The following AUNIP variants were observed in gnomAD, a reference collection of about 807,000 sequenced individuals.
The protein encoded by AUNIP is aurora kinase A and ninein interacting protein, also known as aurora kinase A- and ninein-interacting protein.
In AUNIP, 16 loss-of-function variants were observed where a neutral mutation model predicts 12.2. The observed-to-expected ratio is 1.31, with a 90% confidence interval of 0.88 to 1.99. The LOEUF (loss-of-function observed/expected upper bound fraction) is 1.99, where lower values mean the gene tolerates loss of function less well. Among genes scored for constraint, AUNIP ranks in the 30% most tolerant of loss-of-function variants. AUNIP has a pLI of 0.00. For synonymous variants in AUNIP, 142 were observed against 154.8 expected (o/e 0.92, Z 0.61); for missense variants, 411 against 419.1 (o/e 0.98, Z 0.17).
intron 1 of AUNIP, among the ~76,000 whole-genome samples, chr1:25,840,027 C>A (rs1572261301): frequency 6.6e-6 from 1 of 151,856 alleles, no homozygotes; most frequent in South Asian, 2.1e-4. Context: ...GTCTAGCATG[C>A]AATAAAAAAT....
chr1:25,859,375 AGCCGGCAGGAC>A lies in AUNIP; in HGVS notation c.-29_-19del. On this transcript the variant is annotated 5_prime_UTR_variant, in exon 1 of 3. Coordinates refer to ENST00000374298, the MANE Select transcript of AUNIP (RefSeq NM_024037.3). ...CGCCTCATGGCCGCTGAGGAGACGA[AGCCGGCAGGAC>A]GCCGGCGCAGGCTCCCGGCGCCTCA... The A allele has an allele frequency of 6.6e-7, 1 of 1,504,068 alleles. No homozygotes were observed. The highest frequency in any genetic ancestry group is 8.8e-7 in the Non-Finnish European group (1 of 1,133,578). The allele number at this position is 1,504,068 out of a possible 1,614,324, so 93.2% of individuals were successfully genotyped here.
rs537383724 is a variant in AUNIP, at chr1:25,859,435, C to A, written c.-78G>T. ...CAGGGAACGCCAGAACCGCGGCCGC[C>A]GACGTTCGGATCTCGCGCCAACGCT... On this transcript the variant is annotated 5_prime_UTR_variant, in exon 1 of 3. Transcript: ENST00000374298. 58 of 1,325,196 alleles carry A rather than the reference C, an allele frequency of 4.4e-5. No homozygotes were observed. Among genetic ancestry groups the A allele is most frequent in the Non-Finnish European group, 5.4e-5 (55 of 1,014,704 alleles). 82.1% of individuals were successfully genotyped at this position (1,325,196 alleles called of 1,614,324 possible). A position where few individuals can be genotyped will look rare whatever the true frequency, so the allele number is the denominator to read the frequency against.
chr1:25,842,186 A>G (rs1368801665), intron 1 of AUNIP, among the ~76,000 whole-genome samples: 1 of 152,252 alleles, frequency 6.6e-6, no homozygotes, highest in African/African-American at 2.4e-5. Context: ...TTCTTGAAGG[A>G]AATTATAAGT....
In AUNIP at chr1:25,835,102, T is replaced by C. The variant is rs78766448; in HGVS notation, c.965A>G (p.Asn322Ser). The change falls in exon 3 of 3, where the codon AAC (asparagine) becomes AGC (serine). Residue 322 changes from asparagine to serine, a missense_variant. Coordinates refer to ENST00000374298, the MANE Select transcript of AUNIP (RefSeq NM_024037.3). The part of the protein sequence containing the change: ...NWNWDLGPFP[N>S]SPWAQCQEDG... ...CTCCTGGCACTGAGCCCAAGGACTG[T>C]TAGGAAACGGCCCTAAGTCCCAATT... 5.1e-4 allele frequency: 824 copies of C among 1,614,220 alleles called. 1 individual carries two copies. The highest frequency in any genetic ancestry group is 2.8e-4 in the Non-Finnish European group (332 of 1,180,046).
intron 1 of AUNIP, among the ~76,000 whole-genome samples, chr1:25,843,185 A>AAAAAATAT (rs1553123796): frequency 5.6e-5 from 7 of 124,964 alleles, no homozygotes; most frequent in African/African-American, 1.5e-4. Flanking sequence ...AAAAAAAAAA[A>AAAAAATAT]ATATATATAT....
At chr1:25,837,920 ATAG>A (rs767073456) in intron 1 of AUNIP, among the ~76,000 whole-genome samples, 2 of 152,204 alleles carry the variant, frequency 1.3e-5, no homozygotes, top group African/African-American at 2.4e-5. Context: ...AAGTAGTCAC[ATAG>A]TGGTGGTTAA....
At position 25,834,603 on chromosome 1, in the gene AUNIP, G is replaced by A. The variant is rs1293817070; in HGVS notation, c.*390C>T. 2.4e-5 allele frequency: 23 copies of A among 963,310 alleles called. No homozygotes were observed. Among genetic ancestry groups the A allele is most frequent in the East Asian group, 1.2e-4 (1 of 8,360 alleles). 59.7% of individuals were successfully genotyped at this position (963,310 alleles called of 1,614,324 possible). On this transcript the variant is annotated 3_prime_UTR_variant, in exon 3 of 3. Coordinates refer to ENST00000374298, the MANE Select transcript of AUNIP (RefSeq NM_024037.3). ...CTGCACTCCAGCCTGGCAACAGAGC[G>A]AGACTCCATCTCAAAAAAAAAAAAA...
At chr1:25,843,116 G>A (rs536036419) in intron 1 of AUNIP, among the ~76,000 whole-genome samples, 87 of 150,134 alleles carry the variant, frequency 5.8e-4, no homozygotes, top group Non-Finnish European at 1.1e-3. Context: ...AGGCTGGAGT[G>A]TAGTGAGCCA....
At chr1:25,846,940 T>C (rs1410139964) in intron 1 of AUNIP, among the ~76,000 whole-genome samples, 4 of 152,222 alleles carry the variant, frequency 2.6e-5, no homozygotes, top group Non-Finnish European at 4.4e-5. Context: ...AAGACGACCA[T>C]TGTGCCTCAA....
intron 1 of AUNIP, among the ~76,000 whole-genome samples, chr1:25,848,935 C>A (rs1427960968): frequency 6.6e-6 from 1 of 152,202 alleles, no homozygotes; most frequent in East Asian, 1.9e-4. Context: ...CTGCCATTGG[C>A]TGATTTTCAT....
At chr1:25,831,956 T>G, downstream of AUNIP, 1 of 1,614,224 alleles carries the variant, frequency 6.2e-7, no homozygotes, top group Non-Finnish European at 8.5e-7. Flanking sequence ...GACCCTGCTG[T>G]GCTTATCTCT....
At chr1:25,843,775 T>C (rs1404900376) in intron 1 of AUNIP, among the ~76,000 whole-genome samples, 1 of 151,768 alleles carries the variant, frequency 6.6e-6, no homozygotes, top group Non-Finnish European at 1.5e-5. Flanking sequence ...GAACTAGAAT[T>C]AAAAGTGGAC....
intron 1 of AUNIP, among the ~76,000 whole-genome samples, chr1:25,855,570 T>C (rs2048454807): frequency 6.6e-6 from 1 of 152,152 alleles, no homozygotes; most frequent in South Asian, 2.1e-4. Context: ...TAGTTCAAAT[T>C]AGGAGAGAAG....
intron 1 of AUNIP, among the ~76,000 whole-genome samples, chr1:25,857,225 TA>T (rs1385435101): frequency 1.3e-5 from 2 of 151,120 alleles, no homozygotes; most frequent in African/African-American, 4.9e-5. Context: ...CAAGGAGTAA[TA>T]AATAGCTATT....
At position 25,835,528 on chromosome 1, in the gene AUNIP, T is replaced by C. The variant is rs757373312; in HGVS notation, c.539A>G (p.Glu180Gly). The part of the protein sequence containing the change: ...PLAFSFTEDL[E>G]SSCLLDRKEE... ...CTTTCGGTCTAGCAAACAAGAACTTTCCAAGTCCTCGGTGAAGGAAAAAGC... is the reference window on the plus strand; with the variant it reads ...CTTTCGGTCTAGCAAACAAGAACTTCCCAAGTCCTCGGTGAAGGAAAAAGC... Residue 180 changes from glutamate to glycine, a missense_variant, in exon 3 of 3, where the codon GAA becomes GGA. Coordinates refer to ENST00000374298, the MANE Select transcript of AUNIP (RefSeq NM_024037.3). The C allele has an allele frequency of 5.5e-5, 88 of 1,614,132 alleles. No individual in the cohort carries two copies. In the East Asian group the frequency reaches 2.0e-3, roughly 36 times the overall value.
chr1:25,858,993 T>TC (rs1226400427), intron 1 of AUNIP, among the ~76,000 whole-genome samples: 1 of 152,080 alleles, frequency 6.6e-6, no homozygotes, highest in Non-Finnish European at 1.5e-5. Flanking sequence ...GAGCGAACTT[T>TC]CCCTCCGCCT....
At chr1:25,853,789 G>T (rs2048439544) in intron 1 of AUNIP, among the ~76,000 whole-genome samples, 2 of 152,136 alleles carry the variant, frequency 1.3e-5, no homozygotes, top group African/African-American at 4.8e-5. Context: ...TAACATGGCT[G>T]TTAACAGGCT....
chr1:25,852,457 T>TGTG (rs2048430134), intron 1 of AUNIP, among the ~76,000 whole-genome samples: 1 of 145,468 alleles, frequency 6.9e-6, no homozygotes, highest in Admixed American at 6.7e-5. Context: ...GGTTTTTTTT[T>TGTG]TTGTTGTTTT....
chr1:25,848,920 T>C (rs2048406394), intron 1 of AUNIP, among the ~76,000 whole-genome samples: 1 of 152,224 alleles, frequency 6.6e-6, no homozygotes, highest in Non-Finnish European at 1.5e-5. Context: ...TGGCTCTCTA[T>C]ACCCCTGCCA....
Sources: allele counts gnomAD v4.1 joint callset (sites outside exome capture counted in the v4.1 genomes callset), GRCh38; gene constraint gnomAD v4.1.1; transcripts MANE v1.5; gene names NCBI Gene and HGNC (gene_info 2026-07-23, HGNC 2026-07-21).